PDS5B: variants seen among roughly 807,000 people sequenced by gnomAD.
The protein encoded by PDS5B is PDS5 cohesin associated factor B.
Under a neutral mutation model 184.1 loss-of-function variants are expected in PDS5B, and 51 were observed. That is an observed-to-expected ratio of 0.28 (90% CI 0.22 to 0.35). PDS5B has a LOEUF of 0.35. PDS5B is among the 10% of genes least tolerant of loss of function. The pLI is 1.00. For synonymous variants in PDS5B, 566 were observed against 569.2 expected, an observed-to-expected ratio of 0.99 and a Z score of 0.08; for missense variants, 1,180 against 1,723.3, an observed-to-expected ratio of 0.68 and a Z score of 5.58.
chr13:32,647,482 G>C (rs988499940), intron 1 of PDS5B, among the ~76,000 whole-genome samples: 5 of 152,094 alleles, frequency 3.3e-5, no homozygotes, highest in African/African-American at 1.2e-4. Flanking sequence ...TGTTGCCCAG[G>C]CTGTTCTTAA....
intron 33 of PDS5B, 21 bp downstream of exon 33, chr13:32,770,782 T>A (rs764164746): frequency 2.0e-6 from 3 of 1,524,778 alleles, no homozygotes; most frequent in East Asian, 2.4e-5. Context: ...AATATTACAT[T>A]TCAAACCAAT....
chr13:32,755,740 A>G, intron 25 of PDS5B, 102 bp from the exon 26 acceptor site: 1 of 569,690 alleles, frequency 1.8e-6, no homozygotes, highest in Non-Finnish European at 3.2e-6. Flanking sequence ...CGAAAGAAAG[A>G]GTATGTAAGA....
chr13:32,708,400 TTTATTC>T (rs1251386303), intron 18 of PDS5B, among the ~76,000 whole-genome samples: 1 of 152,240 alleles, frequency 6.6e-6, no homozygotes, highest in Non-Finnish European at 1.5e-5. Context: ...TTTTTCTACT[TTTATTC>T]TTACAAACAA....
At chr13:32,660,941 C>G (rs868520494) in intron 6 of PDS5B, among the ~76,000 whole-genome samples, 6 of 151,914 alleles carry the variant, frequency 3.9e-5, no homozygotes, top group Non-Finnish European at 7.4e-5. Flanking sequence ...TTGCATAGCT[C>G]CTTGTAGTTT....
intron 9 of PDS5B, 33 bp downstream of exon 9, chr13:32,675,992 T>A: frequency 8.6e-7 from 1 of 1,162,028 alleles, no homozygotes; most frequent in Non-Finnish European, 1.3e-6. Context: ...TTAAAAGTAA[T>A]ACATTATTCT....
chr13:32,762,438 G>A (rs929935385), intron 30 of PDS5B, among the ~76,000 whole-genome samples: 1 of 152,106 alleles, frequency 6.6e-6, no homozygotes, highest in African/African-American at 2.4e-5. Context: ...TGCATTTATA[G>A]CTTTTGTTTG....
intron 18 of PDS5B, among the ~76,000 whole-genome samples, chr13:32,709,008 A>AC (rs1303683311): frequency 6.6e-6 from 1 of 151,958 alleles, no homozygotes; most frequent in Non-Finnish European, 1.5e-5. Context: ...ACATCCCCTT[A>AC]CCAGGTATCA....
Position 32,701,434 on chromosome 13 carries a change from A to G in PDS5B, c.1852A>G (p.Ile618Val), listed in dbSNP as rs770013286. 1.9e-6 allele frequency: 3 copies of G among 1,556,904 alleles called. No homozygotes were observed. The highest frequency in any genetic ancestry group is 2.2e-5 in the East Asian group (1 of 44,486). The change falls in exon 17 of 35, where the codon ATC becomes GTC. Residue 618 changes from isoleucine to valine, a missense_variant. Around this residue, in one of 11 missense-constraint regions of PDS5B, gnomAD observed 475 missense variants for 691.5 expected, o/e 0.69. Transcript: ENST00000315596. ...IAPVHIDTES[I>V]SALIKQVNKS... ...ACCTGTGCACATAGATACCGAATCT[A>G]TCAGGTATTTGTATATAAAATACTA...
intron 1 of PDS5B, among the ~76,000 whole-genome samples, chr13:32,590,818 G>C (rs2057762535): frequency 6.6e-6 from 1 of 152,118 alleles, no homozygotes; most frequent in Non-Finnish European, 1.5e-5. Context: ...TTGGGTGTGG[G>C]GGTGAGAGTT....
intron 1 of PDS5B, among the ~76,000 whole-genome samples, chr13:32,595,220 A>G (rs906522446): frequency 7.2e-5 from 11 of 152,166 alleles, no homozygotes; most frequent in African/African-American, 2.7e-4. Context: ...TCATCATGCT[A>G]GAAACCTGGG....
chr13:32,674,809 A>G (rs1189364254), intron 8 of PDS5B, among the ~76,000 whole-genome samples: 2 of 152,160 alleles, frequency 1.3e-5, no homozygotes, highest in Non-Finnish European at 2.9e-5. Context: ...AGCATAAAGT[A>G]AGTTTAAATC....
chr13:32,758,079 T>A lies in PDS5B; in HGVS notation c.3057-8T>A. On this transcript the variant is annotated splice_polypyrimidine_tract_variant and splice_region_variant and intron_variant, in intron 26 of 34. Transcript: ENST00000315596. ...CTATATTTCTTTTTTCCTTTTTTTT[T>A]TTTTTAGATGTCTTTGGTTTGTTCT... 7.8e-7 allele frequency: 1 copy of A among 1,283,406 alleles called. No homozygotes were observed. Among genetic ancestry groups the A allele is most frequent in the Middle Eastern group, 2.0e-4 (1 of 5,042 alleles). The allele number at this position is 1,283,406 out of a possible 1,614,324, so 79.5% of individuals were successfully genotyped here. A position where few individuals can be genotyped will look rare whatever the true frequency, so the allele number is the denominator to read the frequency against.
At chr13:32,747,141 GGCTGTACC>G (rs1170240993) in intron 24 of PDS5B, among the ~76,000 whole-genome samples, 1 of 151,982 alleles carries the variant, frequency 6.6e-6, no homozygotes, top group Non-Finnish European at 1.5e-5. Flanking sequence ...TTTATATTTG[GGCTGTACC>G]GCTTTAGAAG....
Position 32,746,097 on chromosome 13 carries a change from C to T in PDS5B, c.2733C>T (p.Ile911=). The T allele has an allele frequency of 6.2e-7, 1 of 1,611,680 alleles. No individual in the cohort carries two copies. Among genetic ancestry groups the T allele is most frequent in the East Asian group, 2.2e-5 (1 of 44,850 alleles). ...LEQYQLCALA[I]NDECYQVRQV... ...AATATCAGCTATGTGCATTAGCTAT[C>T]AACGTAAGGAAATGGCTGTGTACAA... The change falls in exon 24 of 35, where the codon ATC becomes ATT. Residue 911 remains isoleucine (I), a synonymous_variant. Coordinates refer to ENST00000315596, the MANE Select transcript of PDS5B (RefSeq NM_015032.4).
At position 32,739,086 on chromosome 13, in the gene PDS5B, G is replaced by C. The variant is rs376893464; in HGVS notation, c.2407-1994G>C. 1.1e-4 allele frequency among the ~76,000 whole-genome samples: 17 copies of C among 151,934 alleles called. No individual in the cohort carries two copies. In the South Asian group the frequency reaches 1.9e-3, roughly 17 times the overall value. On this transcript the variant is annotated intron_variant, in intron 21 of 34. Coordinates refer to ENST00000315596, the MANE Select transcript of PDS5B (RefSeq NM_015032.4). Reference sequence around the variant, plus strand: ...TTCCTACTCTAATGTCATGAAAATAGCCTCCCATATGTTCTTCTAAAACTT... The same window carrying C: ...TTCCTACTCTAATGTCATGAAAATACCCTCCCATATGTTCTTCTAAAACTT...
intron 30 of PDS5B, among the ~76,000 whole-genome samples, chr13:32,761,798 C>A (rs1447381047): frequency 6.6e-6 from 1 of 152,040 alleles, no homozygotes; most frequent in African/African-American, 2.4e-5. Context: ...GTGTAATGAT[C>A]TATTTGCATT....
intron 24 of PDS5B, among the ~76,000 whole-genome samples, chr13:32,749,652 C>T (rs1356637527): frequency 1.3e-5 from 2 of 152,008 alleles, no homozygotes; most frequent in African/African-American, 4.8e-5. Context: ...CTTAGGAGAA[C>T]AGAAAATAGA....
intron 23 of PDS5B, among the ~76,000 whole-genome samples, chr13:32,743,735 T>TA (rs201005129): frequency 4.1e-4 from 62 of 151,562 alleles, no homozygotes; most frequent in African/African-American, 1.2e-3. Flanking sequence ...ACAAAACATA[T>TA]AAAAAAAAAC....
Position 32,664,993 on chromosome 13 carries a change from C to G in PDS5B, c.625-2771C>G, listed in dbSNP as rs185038874. ...TGAAGAAGAATAAGAAAACAGGGAC[C>G]TAATCTTGACATTATTTTCATGTGT... On this transcript the variant is annotated intron_variant, in intron 6 of 34. Coordinates refer to ENST00000315596, the MANE Select transcript of PDS5B (RefSeq NM_015032.4). Among the ~76,000 whole-genome samples, 998 of 152,224 alleles carry G rather than the reference C, an allele frequency of 6.6e-3. 5 individuals are homozygous for G. Among genetic ancestry groups the G allele is most frequent in the Middle Eastern group, 0.017 (5 of 294 alleles).
Sources: gnomAD v4.1 joint callset for allele counts (sites outside exome capture counted in the v4.1 genomes callset) on GRCh38, gnomAD v4.1.1 for gene constraint, gnomAD v4.1.1 regional missense constraint, MANE v1.5 for transcripts, NCBI Gene and HGNC (gene_info 2026-07-23, HGNC 2026-07-21) for gene names.